Variants in ANKRD11 observed in about 807,000 individuals in gnomAD.
ANKRD11 encodes the protein ankyrin repeat domain-containing protein 11.
Under a neutral mutation model 195.7 loss-of-function variants are expected in ANKRD11, and 17 were observed. The observed-to-expected ratio is 0.09, with a 90% CI of 0.06 to 0.13. ANKRD11 has a LOEUF of 0.13. ANKRD11 is among the 10% of genes least tolerant of loss of function. The pLI, the probability that ANKRD11 is intolerant of heterozygous loss-of-function variation, is 1.00. For missense variants in ANKRD11, 3,735 were observed against 3,566.1 expected, an observed-to-expected ratio of 1.05 and a Z score of -1.21; for synonymous variants, 1,953 against 1,528.1, an observed-to-expected ratio of 1.28 and a Z score of -6.49.
Position 89,290,695 on chromosome 16 carries a change from G to A in ANKRD11, c.531C>T (p.Ile177=). 1 of 1,614,102 alleles carries A rather than the reference G, an allele frequency of 6.2e-7. No homozygotes were observed. The highest frequency in any genetic ancestry group is 8.5e-7 in the Non-Finnish European group (1 of 1,180,026). ...CTTTGATGCGCCGGGCGTCCCCGCG[G>A]ATGGCGGCTCGGTGCAGGCGGGTCT... is the stretch of plus-strand genomic sequence containing the variant. ...RGETRLHRAA[I]RGDARRIKEL... is the part of the protein sequence containing the mutation. The change falls in exon 6 of 13, where the codon ATC becomes ATT. Residue 177 remains isoleucine (I), a synonymous_variant. Transcript: ENST00000301030.
chr16:89,337,358 G>C (rs979735345), intron 2 of ANKRD11, among the ~76,000 whole-genome samples: 1 of 147,334 alleles, frequency 6.8e-6, no homozygotes, highest in Admixed American at 6.8e-5. Context: ...CATTGGATTT[G>C]CCATCAGACA....
In ANKRD11 at chr16:89,283,575, G is replaced by A. The variant is rs375678160; in HGVS notation, c.2967C>T (p.Ser989=). 3.4e-5 allele frequency: 55 copies of A among 1,610,620 alleles called. No individual in the cohort carries two copies. Among genetic ancestry groups the A allele is most frequent in the Middle Eastern group, 1.6e-4 (1 of 6,084 alleles). ...CGCESGFKDK[S]DGDFGKGLEP... ...CCAGGCCCTTCCCAAAGTCGCCGTC[G>A]GACTTGTCCTTGAAGCCACTCTCGC... The change falls in exon 9 of 13, where the codon TCC becomes TCT. Residue 989 remains serine, a synonymous_variant. Transcript: ENST00000301030. The surrounding 1 kb of genome is among the most constrained non-coding windows in gnomAD (Gnocchi z 4.3).
intron 10 of ANKRD11, 22 bp downstream of exon 10, chr16:89,275,071 C>A (rs767743130): frequency 1.2e-6 from 2 of 1,612,592 alleles, no homozygotes; most frequent in Non-Finnish European, 1.7e-6. Context: ...TGGCGCCCCC[C>A]TGCCTGTGCC....
chr16:89,323,282 C>T, intron 2 of ANKRD11: 2 of 1,288,422 alleles, frequency 1.6e-6, no homozygotes, highest in Non-Finnish European at 2.0e-6. Flanking sequence ...CTACTGTGTG[C>T]AAAGCCCTTG....
intron 2 of ANKRD11, among the ~76,000 whole-genome samples, chr16:89,370,076 AG>A (rs2040128608): frequency 6.6e-6 from 1 of 152,228 alleles, no homozygotes; most frequent in Non-Finnish European, 1.5e-5. Flanking sequence ...GCTCTCACTG[AG>A]GAAGAATCTC....
chr16:89,401,985 C>A (rs1035909526), intron 2 of ANKRD11, among the ~76,000 whole-genome samples: 2 of 149,924 alleles, frequency 1.3e-5, no homozygotes, highest in Non-Finnish European at 3.0e-5. Flanking sequence ...GCCCTGCAGA[C>A]AGCTTGGTCT....
intron 1 of ANKRD11, among the ~76,000 whole-genome samples, chr16:89,455,416 C>G (rs1353036852): frequency 6.6e-6 from 1 of 152,082 alleles, no homozygotes; most frequent in East Asian, 1.9e-4. Flanking sequence ...GCTATATAAG[C>G]TACTCAGTAA....
chr16:89,345,312 A>T (rs1371332792), intron 2 of ANKRD11, among the ~76,000 whole-genome samples: 3 of 145,242 alleles, frequency 2.1e-5, no homozygotes, highest in African/African-American at 7.7e-5. Context: ...GATGGAAAGC[A>T]CTCGACCCCA....
At chr16:89,324,496 G>C (rs1204278673) in intron 2 of ANKRD11, 1 of 456,368 alleles carries the variant, frequency 2.2e-6, no homozygotes, top group Non-Finnish European at 4.4e-6. Context: ...AACTGTTCCT[G>C]GGAGCATCTT....
chr16:89,373,005 A>G (rs1662374943), intron 2 of ANKRD11: 1 of 152,258 alleles, frequency 6.6e-6, no homozygotes, highest in African/African-American at 2.4e-5. Context: ...CAGCACCCAC[A>G]GTACGTGCGT....
chr16:89,343,145 C>T (rs1398094264), intron 2 of ANKRD11, among the ~76,000 whole-genome samples: 1 of 152,176 alleles, frequency 6.6e-6, no homozygotes, highest in African/African-American at 2.4e-5. Flanking sequence ...TGTGCCACCA[C>T]GCCTGGCTCA....
rs868624398 is a variant in ANKRD11 at position 89,277,071 on chromosome 16, T to A, written c.7471-1880A>T. Among the ~76,000 whole-genome samples the A allele has an allele frequency of 2.9e-3, 341 of 116,076 alleles. 5 individuals are homozygous for A. The Middle Eastern group carries it at 0.034, about 11-fold the overall frequency. 76.2% of individuals were successfully genotyped at this position (116,076 alleles called of 152,430 possible). A position where few individuals can be genotyped will look rare whatever the true frequency, so the allele number is the denominator to read the frequency against. ...ACTCTGTCTTAAAAAAAAAAAAAAA[T>A]GGATTAAAAAATGTAGCAAAGTCCC... On this transcript the variant is annotated intron_variant, in intron 9 of 12. Transcript: ENST00000301030.
intron 2 of ANKRD11, among the ~76,000 whole-genome samples, chr16:89,347,928 G>T (rs2039020452): frequency 6.6e-6 from 1 of 151,858 alleles, no homozygotes; most frequent in African/African-American, 2.4e-5. Context: ...TCATGAATAG[G>T]TATGGGATTT....
intron 2 of ANKRD11, among the ~76,000 whole-genome samples, chr16:89,395,004 C>T (rs890625103): frequency 6.6e-6 from 1 of 152,198 alleles, no homozygotes; most frequent in Non-Finnish European, 1.5e-5. Flanking sequence ...AAATACATCA[C>T]GGTATGATTT....
At chr16:89,403,628 G>T (rs954468830) in intron 2 of ANKRD11, 1 of 152,226 alleles carries the variant, frequency 6.6e-6, no homozygotes, top group African/African-American at 2.4e-5. Context: ...CCCCGGGAAG[G>T]GATTTCAAAA....
chr16:89,324,722 G>C (rs1225976062), intron 2 of ANKRD11: 1 of 334,372 alleles, frequency 3.0e-6, no homozygotes, highest in Admixed American at 4.3e-5. Flanking sequence ...TGGGTTCTTG[G>C]ACCTACACCA....
chr16:89,368,317 C>T (rs1326214656), intron 2 of ANKRD11, among the ~76,000 whole-genome samples: 1 of 150,872 alleles, frequency 6.6e-6, no homozygotes, highest in Non-Finnish European at 1.5e-5. Context: ...CTGCCATAGC[C>T]TCCTGAATAG....
At chr16:89,458,359 G>C (rs2056526604) in intron 1 of ANKRD11, among the ~76,000 whole-genome samples, 1 of 152,082 alleles carries the variant, frequency 6.6e-6, no homozygotes, top group Middle Eastern at 3.4e-3. Flanking sequence ...TGAGTAGCTG[G>C]GACTACAGGC....
chr16:89,458,415 G>A (rs2056529857), intron 1 of ANKRD11, among the ~76,000 whole-genome samples: 1 of 152,002 alleles, frequency 6.6e-6, no homozygotes, highest in African/African-American at 2.4e-5. Flanking sequence ...TAGTAGAGAC[G>A]GGGTTTCACC....
Sources: gnomAD v4.1 joint callset for allele counts (sites outside exome capture counted in the v4.1 genomes callset) on GRCh38, gnomAD v4.1.1 for gene constraint, Gnocchi (gnomAD v3.1) non-coding constraint, MANE v1.5 for transcripts, NCBI Gene and HGNC (gene_info 2026-07-23, HGNC 2026-07-21) for gene names.